ZNF365: variants seen among roughly 807,000 people sequenced by gnomAD.
The protein encoded by ZNF365 is zinc finger protein 365.
A neutral mutation model predicts 35.0 loss-of-function variants in ZNF365; 22 were observed. The ratio of observed to expected loss-of-function variants is 0.63; its 90% confidence interval spans 0.45 to 0.90. The LOEUF is 0.90. Among genes scored for constraint, ZNF365 ranks in the 40% least tolerant of loss-of-function variants. The probability of loss-of-function intolerance (pLI) is 0.00; values close to 1 mark genes in which losing one functional copy is unlikely to be tolerated. For synonymous variants in ZNF365, 188 were observed against 196.2 expected (o/e 0.96, Z 0.35); for missense variants, 448 against 500.3 (o/e 0.90, Z 1.00).
intron 3 of ZNF365, among the ~76,000 whole-genome samples, chr10:62,437,836 TTAAAG>T (rs762915649): frequency 5.3e-5 from 8 of 152,224 alleles, no homozygotes; most frequent in Non-Finnish European, 8.8e-5. Flanking sequence ...TCCACATACT[TTAAAG>T]TAAGACAAAC....
intron 2 of ZNF365, among the ~76,000 whole-genome samples, chr10:62,379,255 C>T (rs1374711240): frequency 6.6e-6 from 1 of 152,078 alleles, no homozygotes; most frequent in Non-Finnish European, 1.5e-5. Flanking sequence ...AACTTCTGAC[C>T]TCAGATGATC....
At chr10:62,375,882 C>T (rs201783631) in intron 1 of ZNF365, 1 of 134,328 alleles carries the variant, frequency 7.4e-6, no homozygotes, top group Non-Finnish European at 1.4e-5. Context: ...CAAACTTTTT[C>T]TGTAAAGGTA....
chr10:62,406,812 C>T (rs1001209616), downstream of ZNF365, among the ~76,000 whole-genome samples: 8 of 152,182 alleles, frequency 5.3e-5, no homozygotes, highest in East Asian at 9.6e-4. Context: ...CCATTTTAAG[C>T]GTAAGCCCCT....
At chr10:62,476,319 T>G (rs968239114) in intron 4 of ZNF365, among the ~76,000 whole-genome samples, 2 of 152,196 alleles carry the variant, frequency 1.3e-5, no homozygotes, top group Non-Finnish European at 2.9e-5. Flanking sequence ...CAGAGCCTGA[T>G]TTGGGAGGAA....
chr10:62,478,241 C>T (rs915596340), intron 4 of ZNF365, among the ~76,000 whole-genome samples: 1 of 152,102 alleles, frequency 6.6e-6, no homozygotes, highest in African/African-American at 2.4e-5. Context: ...GGACAAAGAC[C>T]ATAATAAACA....
At position 62,400,791 on chromosome 10, in the gene ZNF365, C is replaced by G; in HGVS notation, c.*1002C>G. On this transcript the variant is annotated 3_prime_UTR_variant, in exon 5 of 5. Coordinates refer to ENST00000395254, the MANE Select transcript of ZNF365 (RefSeq NM_014951.3). ...GGCTTAACTTTTCCACTGGGTGGTT[C>G]ACTTTGCCTCCTGCTGCTTCTGTGC... 1 of 976,660 alleles carries G rather than the reference C, an allele frequency of 1.0e-6. No individual in the cohort carries two copies. The highest frequency in any genetic ancestry group is 1.2e-6 in the Non-Finnish European group (1 of 828,180). 60.5% of individuals were successfully genotyped at this position (976,660 alleles called of 1,614,324 possible).
At chr10:62,468,074 G>T (rs1438180317) in intron 4 of ZNF365, among the ~76,000 whole-genome samples, 1 of 151,948 alleles carries the variant, frequency 6.6e-6, no homozygotes, top group Non-Finnish European at 1.5e-5. Flanking sequence ...AAGAAATTCA[G>T]GTAATGTACC....
rs954583048 is a variant in ZNF365, at chr10:62,376,931, A to G, written c.738A>G (p.Lys246=). 3.7e-6 allele frequency: 6 copies of G among 1,603,156 alleles called. No individual in the cohort carries two copies. Among genetic ancestry groups the G allele is most frequent in the Non-Finnish European group, 3.4e-6 (4 of 1,175,828 alleles). ...AATCTGAGGAGGAGCTTCTTAGGAA[A>G]GAAGAGTAAGTGTTGCTGACAGGGG... is the stretch of plus-strand genomic sequence containing the variant. ...LTESEEELLR[K]EEEVVTFNHF... The change falls in exon 2 of 5, where the codon AAA becomes AAG. Residue 246 remains lysine, a synonymous_variant. Transcript: ENST00000395254.
chr10:62,440,650 C>T (rs1840485335), intron 3 of ZNF365, among the ~76,000 whole-genome samples: 1 of 152,144 alleles, frequency 6.6e-6, no homozygotes, highest in Non-Finnish European at 1.5e-5. Flanking sequence ...GAAAATACTG[C>T]CTTACTAATT....
rs145810567 is a variant in ZNF365, at chr10:62,441,567, G to A, written c.925-18174G>A. ...GCCTGCTTCTAGAGTCTCTGGGTGC[G>A]TAAATCAGATGCAAGGGCCTGGTAA... is the stretch of plus-strand genomic sequence containing the variant. On this transcript the variant is annotated intron_variant, in intron 3 of 4. Coordinates refer to the ZNF365 transcript ENST00000395255. Among the ~76,000 whole-genome samples, 21 of 152,176 alleles carry A rather than the reference G, an allele frequency of 1.4e-4. No individual in the cohort carries two copies. In the East Asian group the frequency reaches 2.5e-3, roughly 18 times the overall value.
chr10:62,450,265 G>A (rs1187890680), intron 3 of ZNF365, among the ~76,000 whole-genome samples: 1 of 152,154 alleles, frequency 6.6e-6, no homozygotes, highest in East Asian at 1.9e-4. Context: ...CTTGCTGTGT[G>A]CTAAGTACTG....
At position 62,398,731 on chromosome 10, in the gene ZNF365, T is replaced by C. The variant is rs746053865; in HGVS notation, c.925-9T>C. ...CAGTTAACATTTTTTCTTATTTGTT[T>C]TCCTTCAGCTTACAGACATCTCCTC... On this transcript the variant is annotated splice_polypyrimidine_tract_variant and intron_variant, in intron 3 of 4. Coordinates refer to ENST00000395254, the MANE Select transcript of ZNF365 (RefSeq NM_014951.3). 1 of 1,611,502 alleles carries C rather than the reference T, an allele frequency of 6.2e-7. No homozygotes were observed. Among genetic ancestry groups the C allele is most frequent in the South Asian group, 1.1e-5 (1 of 90,370 alleles).
chr10:62,388,673 C>G (rs975613271), intron 3 of ZNF365, 97 bp downstream of exon 3: 1 of 1,403,870 alleles, frequency 7.1e-7, no homozygotes, highest in Admixed American at 2.1e-5. Flanking sequence ...CTTGCAGGGA[C>G]TCTCTAGACA....
intron 3 of ZNF365, among the ~76,000 whole-genome samples, chr10:62,445,261 C>T (rs1390487735): frequency 1.3e-5 from 2 of 151,164 alleles, no homozygotes; most frequent in African/African-American, 4.9e-5. Context: ...TTTATAGCAG[C>T]ATGATTTATA....
intron 2 of ZNF365, among the ~76,000 whole-genome samples, chr10:62,382,670 G>C (rs115040191): frequency 6.6e-6 from 1 of 152,178 alleles, no homozygotes; most frequent in Non-Finnish European, 1.5e-5. Context: ...GCCTTAAGAC[G>C]TGCAGTTGTT....
At chr10:62,432,766 A>T (rs1048434034) in intron 3 of ZNF365, among the ~76,000 whole-genome samples, 1 of 152,220 alleles carries the variant, frequency 6.6e-6, no homozygotes, top group African/African-American at 2.4e-5. Flanking sequence ...TGCAAGAGCC[A>T]ATTAGGATAA....
chr10:62,393,380 T>C (rs773070602), intron 3 of ZNF365, among the ~76,000 whole-genome samples: 4 of 152,266 alleles, frequency 2.6e-5, no homozygotes, highest in Non-Finnish European at 4.4e-5. Context: ...TCTATGTGAC[T>C]GGCAGCACAG....
rs1035254364 is a variant in ZNF365 at position 62,408,630 on chromosome 10, C to T, written c.924+20054C>T. The stretch of plus-strand genomic sequence containing the variant: ...TTTATTTGAGACTATTGGCTAAACA[C>T]GGAGACTTAGAAAAGAGAGTGTCAG... On this transcript the variant is annotated intron_variant, in intron 3 of 4. Coordinates refer to the ZNF365 transcript ENST00000395255. Among the ~76,000 whole-genome samples, 13 of 152,192 alleles carry T rather than the reference C, an allele frequency of 8.5e-5. 1 individual carries two copies. The highest frequency in any genetic ancestry group is 4.6e-4 in the Admixed American group (7 of 15,282).
At chr10:62,426,983 G>A (rs879795690) in intron 3 of ZNF365, among the ~76,000 whole-genome samples, 2 of 152,158 alleles carry the variant, frequency 1.3e-5, no homozygotes, top group Non-Finnish European at 2.9e-5. Flanking sequence ...TAACAGTCAT[G>A]ACCTTTCTGT....
Sources: allele counts gnomAD v4.1 joint callset (sites outside exome capture counted in the v4.1 genomes callset), GRCh38; gene constraint gnomAD v4.1.1; transcripts MANE v1.5; gene names NCBI Gene and HGNC (gene_info 2026-07-23, HGNC 2026-07-21).